DENND1A: variants seen among roughly 807,000 people sequenced by gnomAD.
DENND1A encodes DENN domain-containing protein 1A.
Under a neutral mutation model 113.7 loss-of-function variants are expected in DENND1A, and 51 were observed. The observed-to-expected ratio is 0.45, with a 90% CI of 0.36 to 0.57. The LOEUF (loss-of-function observed/expected upper bound fraction) is 0.57, where lower values mean the gene tolerates loss of function less well. Among genes scored for constraint, DENND1A ranks in the 20% least tolerant of loss-of-function variants. DENND1A has a pLI of 0.00. For synonymous variants in DENND1A, 565 were observed against 570.8 expected, an observed-to-expected ratio of 0.99 and a Z score of 0.14; for missense variants, 1,258 against 1,395.9, an observed-to-expected ratio of 0.90 and a Z score of 1.57.
At chr9:123,743,253 T>G (rs1314139281) in intron 5 of DENND1A, among the ~76,000 whole-genome samples, 4 of 151,474 alleles carry the variant, frequency 2.6e-5, no homozygotes, top group Non-Finnish European at 5.9e-5. Flanking sequence ...AAAAATAAAT[T>G]AGCTGGATAT....
chr9:123,757,422 A>C (rs2070664333), intron 5 of DENND1A, among the ~76,000 whole-genome samples: 1 of 152,208 alleles, frequency 6.6e-6, no homozygotes, highest in Non-Finnish European at 1.5e-5. Flanking sequence ...TAACAGCAGA[A>C]GGCACTGAAG....
chr9:123,626,778 A>G (rs1252838195), intron 10 of DENND1A, among the ~76,000 whole-genome samples: 7 of 152,198 alleles, frequency 4.6e-5, no homozygotes, highest in Non-Finnish European at 5.9e-5. Flanking sequence ...TGGGGCACCT[A>G]AGCACATGTG....
chr9:123,414,242 T>A, intron 19 of DENND1A: 1 of 1,253,040 alleles, frequency 8.0e-7, no homozygotes, highest in Non-Finnish European at 1.0e-6. Context: ...TACCCGAGTG[T>A]CCTGTTAGGA....
At chr9:123,757,595 CAGAT>C in intron 5 of DENND1A, 104 bp downstream of exon 5, 3 of 1,497,438 alleles carry the variant, frequency 2.0e-6, no homozygotes, top group South Asian at 1.3e-5. Flanking sequence ...TTGTGGGAAA[CAGAT>C]AGGAAAATGA....
At chr9:123,911,747 G>A (rs1372236408) in intron 1 of DENND1A, among the ~76,000 whole-genome samples, 3 of 151,472 alleles carry the variant, frequency 2.0e-5, no homozygotes, top group African/African-American at 7.3e-5. Context: ...CTGGAGTGCA[G>A]TGGTGCGATC....
At chr9:123,699,504 C>T (rs2065742034) in intron 5 of DENND1A, among the ~76,000 whole-genome samples, 1 of 152,022 alleles carries the variant, frequency 6.6e-6, no homozygotes, top group South Asian at 2.1e-4. Flanking sequence ...ACCCCGTCCC[C>T]ATCTTCCAGG....
At chr9:123,414,720 C>G (rs1017320083) in intron 19 of DENND1A, 2 of 1,230,126 alleles carry the variant, frequency 1.6e-6, no homozygotes, top group Non-Finnish European at 1.1e-6. Flanking sequence ...TTTCCCTATA[C>G]CACCCATGAA....
At chr9:123,588,773 GT>G (rs113676350) in intron 11 of DENND1A, among the ~76,000 whole-genome samples, 38 of 144,752 alleles carry the variant, frequency 2.6e-4, no homozygotes, top group East Asian at 1.0e-3. Context: ...ATTCTATTTT[GT>G]TTTTTTTTTT....
intron 18 of DENND1A, among the ~76,000 whole-genome samples, chr9:123,443,400 T>C (rs909646692): frequency 1.3e-5 from 2 of 152,348 alleles, no homozygotes; most frequent in Admixed American, 6.5e-5. Flanking sequence ...ATCTAGCACA[T>C]GCTGTCAAAT....
intron 10 of DENND1A, among the ~76,000 whole-genome samples, chr9:123,624,253 T>C (rs1341056490): frequency 6.6e-6 from 1 of 152,198 alleles, no homozygotes; most frequent in Non-Finnish European, 1.5e-5. Context: ...GCACTTTACT[T>C]AAAATGCTAG....
At chr9:123,418,492 G>C (rs536366208) in intron 19 of DENND1A, among the ~76,000 whole-genome samples, 1 of 152,362 alleles carries the variant, frequency 6.6e-6, no homozygotes, top group Admixed American at 6.5e-5. Context: ...AGGCGCGTTG[G>C]AATAGCAACT....
At chr9:123,648,870 C>T (rs2062486753) in intron 9 of DENND1A, among the ~76,000 whole-genome samples, 1 of 152,058 alleles carries the variant, frequency 6.6e-6, no homozygotes, top group African/African-American at 2.4e-5. Flanking sequence ...TATTGATTCC[C>T]CAGAGATGCT....
chr9:123,498,799 T>C (rs1372878039), intron 13 of DENND1A, among the ~76,000 whole-genome samples: 4 of 152,062 alleles, frequency 2.6e-5, no homozygotes, highest in African/African-American at 9.7e-5. Context: ...CTCGGCTCAT[T>C]GCAATCTCCA....
At chr9:123,474,258 G>A (rs1349525872) in intron 13 of DENND1A, among the ~76,000 whole-genome samples, 6 of 152,138 alleles carry the variant, frequency 3.9e-5, no homozygotes, top group African/African-American at 1.4e-4. Context: ...GCCTCCCAAA[G>A]TGTTGGGATT....
At chr9:123,415,238 G>A (rs2044629380) in intron 19 of DENND1A, among the ~76,000 whole-genome samples, 1 of 152,162 alleles carries the variant, frequency 6.6e-6, no homozygotes, top group African/African-American at 2.4e-5. Flanking sequence ...TGACACTCGG[G>A]GAGTTTTCCC....
chr9:123,584,063 C>T (rs752879083), intron 11 of DENND1A, among the ~76,000 whole-genome samples: 70 of 152,168 alleles, frequency 4.6e-4, no homozygotes, highest in Non-Finnish European at 8.5e-4. Flanking sequence ...ACTATTTATC[C>T]GCTACTAAGA....
chr9:123,587,143 C>T (rs191016388), intron 11 of DENND1A, among the ~76,000 whole-genome samples: 12 of 151,694 alleles, frequency 7.9e-5, no homozygotes, highest in East Asian at 1.9e-4. Flanking sequence ...TTAGTGAAGG[C>T]GGGGGTAGGT....
In DENND1A at chr9:123,548,672, T is replaced by A. The variant is rs116609060; in HGVS notation, c.993+8898A>T. Among the ~76,000 whole-genome samples the A allele has an allele frequency of 5.9e-3, 899 of 152,334 alleles. 9 individuals are homozygous for A. Among genetic ancestry groups the A allele is most frequent in the African/African-American group, 0.019 (805 of 41,574 alleles). ...AACATAGAAACAACCCAGGTGTCCA[T>A]TAACAAGTGAGTGGATAAACAAAAT... On this transcript the variant is annotated intron_variant, in intron 13 of 23. Transcript: ENST00000394215.
intron 5 of DENND1A, among the ~76,000 whole-genome samples, chr9:123,750,157 A>G (rs1342852326): frequency 6.6e-6 from 1 of 152,128 alleles, no homozygotes; most frequent in African/African-American, 2.4e-5. Context: ...CCCTCAAATC[A>G]ACCTCCAACA....
Sources: gnomAD v4.1 joint callset for allele counts (sites outside exome capture counted in the v4.1 genomes callset) on GRCh38, gnomAD v4.1.1 for gene constraint, MANE v1.5 for transcripts, NCBI Gene and HGNC (gene_info 2026-07-23, HGNC 2026-07-21) for gene names.